IL23R: variants seen among roughly 807,000 people sequenced by gnomAD.
IL23R encodes interleukin 23 receptor, also known as interleukin-23 receptor.
IL23R carries 34 observed loss-of-function variants against 56.9 expected under a neutral mutation model. The observed-to-expected ratio is 0.60, with a 90% CI of 0.45 to 0.80. IL23R has a LOEUF of 0.80. Ranked by LOEUF, IL23R falls within the 30% of genes least tolerant of loss-of-function variation. The pLI, the probability that IL23R is intolerant of heterozygous loss-of-function variation, is 0.00. For synonymous variants in IL23R, 230 were observed against 249.2 expected (o/e 0.92, Z 0.73); for missense variants, 635 against 730.0 (o/e 0.87, Z 1.50).
intron 5 of IL23R, among the ~76,000 whole-genome samples, chr1:67,202,082 C>T: frequency 6.6e-6 from 1 of 152,202 alleles, no homozygotes; most frequent in East Asian, 1.9e-4. Flanking sequence ...CACAATTCAG[C>T]CAAATGACAC....
intron 9 of IL23R, among the ~76,000 whole-genome samples, chr1:67,242,708 T>A (rs1202724778): frequency 1.3e-5 from 2 of 152,200 alleles, no homozygotes; most frequent in Non-Finnish European, 2.9e-5. Flanking sequence ...GAAGATTCAT[T>A]CTTTGGGTTC....
At chr1:67,257,026 A>G (rs960503271) in intron 10 of IL23R, among the ~76,000 whole-genome samples, 6 of 152,090 alleles carry the variant, frequency 3.9e-5, no homozygotes, top group African/African-American at 1.4e-4. Context: ...GCAATACCCA[A>G]TGTGCTGTTC....
chr1:67,189,996 A>C (rs1221986573), intron 4 of IL23R, among the ~76,000 whole-genome samples: 1 of 152,164 alleles, frequency 6.6e-6, no homozygotes, highest in Admixed American at 6.5e-5. Flanking sequence ...TCTTTCCCTC[A>C]AGGAGAAAGC....
rs572846392 is a variant in IL23R at position 67,140,717 on chromosome 1, C to T, written c.-634+1556C>T. 7.8e-4 allele frequency among the ~76,000 whole-genome samples: 119 copies of T among 152,044 alleles called. 1 individual carries two copies. The South Asian group carries it at 0.019, about 25-fold the overall frequency. On this transcript the variant is annotated intron_variant, in intron 1 of 10. Transcript: ENST00000637002. ...TCATAGAAATGAACAAAACTTGTAA[C>T]GATGATTTTTATTTAATATTTTTTA... is the stretch of plus-strand genomic sequence containing the variant.
chr1:67,183,604 C>T (rs955966159), intron 4 of IL23R, among the ~76,000 whole-genome samples: 34 of 152,180 alleles, frequency 2.2e-4, no homozygotes, highest in Admixed American at 5.9e-4. Context: ...GTTTCAACAA[C>T]TTAATTTCCC....
Position 67,160,619 on chromosome 1 carries a change from TGAG to T in IL23R, c.-633-7472_-633-7470del, listed in dbSNP as rs530121207. On this transcript the variant is annotated intron_variant, in intron 1 of 10. Transcript: ENST00000637002. The stretch of plus-strand genomic sequence containing the variant: ...ACATTATATGTGAAGGCCAAGTGAA[TGAG>T]AAGATCTGCAAAACAGAATGATGGG... 5.9e-5 allele frequency among the ~76,000 whole-genome samples: 9 copies of T among 152,372 alleles called. No homozygotes were observed. In the East Asian group the frequency reaches 1.7e-3, roughly 29 times the overall value.
intron 9 of IL23R, among the ~76,000 whole-genome samples, chr1:67,242,243 G>T (rs1184518067): frequency 6.6e-6 from 1 of 152,168 alleles, no homozygotes; most frequent in Non-Finnish European, 1.5e-5. Context: ...GTTTCTGACT[G>T]ACTATGAGGC....
At chr1:67,153,455 G>T (rs1040176843) in intron 1 of IL23R, among the ~76,000 whole-genome samples, 4 of 151,972 alleles carry the variant, frequency 2.6e-5, no homozygotes, top group Non-Finnish European at 5.9e-5. Flanking sequence ...CTTCAGTTCT[G>T]CTCTGATCTT....
At chr1:67,194,368 A>G (rs1467897467) in intron 4 of IL23R, among the ~76,000 whole-genome samples, 1 of 152,150 alleles carries the variant, frequency 6.6e-6, no homozygotes, top group Non-Finnish European at 1.5e-5. Context: ...CCCTAAGCCT[A>G]TCCAGGAGCC....
chr1:67,258,481 A>G lies in IL23R; in HGVS notation c.1243A>G (p.Asn415Asp). 1 of 1,594,854 alleles carries G rather than the reference A, an allele frequency of 6.3e-7. No individual in the cohort carries two copies. Among genetic ancestry groups the G allele is most frequent in the South Asian group, 1.1e-5 (1 of 87,694 alleles). The stretch of plus-strand genomic sequence containing the variant: ...AAATGATGTCTTTTTTTCCTAGGAA[A>G]ATAGTGAACTTATGAATAATAATTC... ...NSNVVKMLQE[N>D]SELMNNNSSE... Residue 415 changes from asparagine (N) to aspartate (D), a missense_variant, in exon 11 of 11, where the codon AAT becomes GAT. Coordinates refer to ENST00000347310, the MANE Select transcript of IL23R (RefSeq NM_144701.3).
In IL23R at chr1:67,259,498, C is replaced by T. The variant is rs143229126; in HGVS notation, c.*370C>T. On this transcript the variant is annotated 3_prime_UTR_variant, in exon 11 of 11. Transcript: ENST00000347310. ...GGAACATGCTTCATGGTCACACATA[C>T]AGGCACAAAAACAGCATTATGTGGA... 3.3e-6 allele frequency: 1 copy of T among 298,772 alleles called. No individual in the cohort carries two copies. Among genetic ancestry groups the T allele is most frequent in the Non-Finnish European group, 6.4e-6 (1 of 157,272 alleles). The allele number at this position is 298,772 out of a possible 1,614,324, so 18.5% of individuals were successfully genotyped here.
At chr1:67,228,057 CTT>C (rs1487502588) in intron 7 of IL23R, among the ~76,000 whole-genome samples, 8,498 of 88,210 alleles carry the variant, frequency 0.096, 2,007 homozygotes, top group Admixed American at 0.21. Flanking sequence ...TTCTTTCTTT[CTT>C]TCTCTGTCTC....
chr1:67,225,933 A>G (rs1481242967), intron 7 of IL23R, among the ~76,000 whole-genome samples: 1 of 152,260 alleles, frequency 6.6e-6, no homozygotes, highest in Non-Finnish European at 1.5e-5. Flanking sequence ...AGGAAGTGTC[A>G]TCATAAAAGA....
upstream of IL23R, among the ~76,000 whole-genome samples, chr1:67,164,428 T>C (rs1162464216): frequency 6.6e-6 from 1 of 151,610 alleles, no homozygotes; most frequent in South Asian, 2.1e-4. Context: ...AGGTCAGGAG[T>C]TCAAGACTAG....
At chr1:67,153,618 C>T (rs1019611253) in intron 1 of IL23R, among the ~76,000 whole-genome samples, 4 of 152,094 alleles carry the variant, frequency 2.6e-5, no homozygotes, top group African/African-American at 9.7e-5. Context: ...ACTGGTTTAG[C>T]TGTGTCCCAG....
chr1:67,170,199 T>G (rs1646925120), intron 3 of IL23R, among the ~76,000 whole-genome samples: 1 of 152,212 alleles, frequency 6.6e-6, no homozygotes, highest in Non-Finnish European at 1.5e-5. Flanking sequence ...ATTCCTCGCC[T>G]GTAAAAGGAG....
Position 67,160,933 on chromosome 1 carries a change from A to G in IL23R, c.-633-7159A>G, listed in dbSNP as rs575473468. ...GACTTCATAAGATTTTTTCTTATTG[A>G]TTGGCAAGAGTGAATCAATAAAACC... On this transcript the variant is annotated intron_variant, in intron 1 of 10. Transcript: ENST00000637002. Among the ~76,000 whole-genome samples the G allele has an allele frequency of 1.6e-4, 25 of 152,304 alleles. 1 individual carries two copies. The highest frequency in any genetic ancestry group is 6.8e-3 in the Middle Eastern group (2 of 294).
intron 3 of IL23R, among the ~76,000 whole-genome samples, chr1:67,178,406 T>C (rs1029393636): frequency 2.0e-5 from 3 of 152,238 alleles, no homozygotes; most frequent in African/African-American, 4.8e-5. Context: ...CACTTTTGAT[T>C]TGGCTCTCCA....
upstream of IL23R, among the ~76,000 whole-genome samples, chr1:67,165,008 G>A (rs1646858659): frequency 6.6e-6 from 1 of 152,158 alleles, no homozygotes; most frequent in South Asian, 2.1e-4. Context: ...AGGAGTTCAA[G>A]ACTAGCTTGG....
Sources: gnomAD v4.1 joint callset for allele counts (sites outside exome capture counted in the v4.1 genomes callset) on GRCh38, gnomAD v4.1.1 for gene constraint, MANE v1.5 for transcripts, NCBI Gene and HGNC (gene_info 2026-07-23, HGNC 2026-07-21) for gene names.